The following NECTIN1 variants were observed in gnomAD, a reference collection of about 807,000 sequenced individuals.
The protein encoded by NECTIN1 is nectin-1.
In NECTIN1, 23 loss-of-function variants were observed where a neutral mutation model predicts 48.0. The observed-to-expected ratio is 0.48, with a 90% confidence interval of 0.34 to 0.68. NECTIN1 has a LOEUF of 0.68. Ranked by LOEUF, NECTIN1 falls within the 30% of genes least tolerant of loss-of-function variation. The pLI is 0.01. For missense variants in NECTIN1, 591 were observed against 709.9 expected, an observed-to-expected ratio of 0.83 and a Z score of 1.90; for synonymous variants, 270 against 288.9, an observed-to-expected ratio of 0.93 and a Z score of 0.66.
chr11:119,727,958 TGGGGCG>T lies in NECTIN1; in HGVS notation c.79+511_79+516del, dbSNP rs1352280793. Among the ~76,000 whole-genome samples, 4 of 151,918 alleles carry T rather than the reference TGGGGCG, an allele frequency of 2.6e-5. No homozygotes were observed. The highest frequency in any genetic ancestry group is 5.9e-5 in the Non-Finnish European group (4 of 67,950). On this transcript the variant is annotated intron_variant, in intron 1 of 5. Transcript: ENST00000264025. This position sits in a 1 kb window ranked among gnomAD's most constrained non-coding sequence, Gnocchi z 4.1. ...AGCAGCCGACTCTCCGCGCCCGCTG[TGGGGCG>T]GTGTGGGGCGGGAGGGGGCCCGAGC...
In NECTIN1 at chr11:119,709,484, C is replaced by T. The variant is rs772450434; in HGVS notation, c.79+18991G>A. Among the ~76,000 whole-genome samples the T allele has an allele frequency of 4.6e-5, 7 of 152,214 alleles. No homozygotes were observed. Among genetic ancestry groups the T allele is most frequent in the Admixed American group, 6.5e-5 (1 of 15,296 alleles). ...AGAGTCCTTTCTGTGGGGCCCTGAGCGTCTGTAACCAGGCTGTGAGGAAGC... is the reference window on the plus strand; with the variant it reads ...AGAGTCCTTTCTGTGGGGCCCTGAGTGTCTGTAACCAGGCTGTGAGGAAGC... On this transcript the variant is annotated intron_variant, in intron 1 of 5. Transcript: ENST00000264025. The surrounding 1 kb of genome is among the most constrained non-coding windows in gnomAD (Gnocchi z 4.1).
In NECTIN1 at chr11:119,678,233, C is replaced by T. The variant is rs1864994663; in HGVS notation, c.430+182G>A. 6.6e-6 allele frequency among the ~76,000 whole-genome samples: 1 copy of T among 152,176 alleles called. No homozygotes were observed. Among genetic ancestry groups the T allele is most frequent in the Non-Finnish European group, 1.5e-5 (1 of 68,044 alleles). ...CCACTGTCTAGAGATAAGCCCCTGC[C>T]CCTAATCCCTAGTGAATTGTGGGGT... is the stretch of plus-strand genomic sequence containing the variant. On this transcript the variant is annotated intron_variant, in intron 2 of 5. Transcript: ENST00000264025. This position sits in a 1 kb window ranked among gnomAD's most constrained non-coding sequence, Gnocchi z 4.4.
rs1283648843 is a variant in NECTIN1, at chr11:119,661,870, G to A, written c.*2877C>T. 2 of 985,292 alleles carry A rather than the reference G, an allele frequency of 2.0e-6. No individual in the cohort carries two copies. Among genetic ancestry groups the A allele is most frequent in the Non-Finnish European group, 2.4e-6 (2 of 829,994 alleles). 61.0% of individuals were successfully genotyped at this position (985,292 alleles called of 1,614,324 possible). ...TGCGTGTACACATGCCTGCGCGTGG[G>A]TGTGTTGGAGGTGTGAGTGTGTCCA... On this transcript the variant is annotated 3_prime_UTR_variant, in exon 6 of 6. Transcript: ENST00000264025.
intron 7 of NECTIN1, chr11:119,638,367 C>A: frequency 7.7e-7 from 1 of 1,300,612 alleles, no homozygotes; most frequent in Non-Finnish European, 1.1e-6. Context: ...TTCTGGCATC[C>A]CCCACACTGG....
At chr11:119,679,167 T>C (rs937527865) in intron 1 of NECTIN1, among the ~76,000 whole-genome samples, 2 of 152,246 alleles carry the variant, frequency 1.3e-5, no homozygotes, top group Non-Finnish European at 2.9e-5. Context: ...TGGTTGCTTT[T>C]CGAGCAGAGC....
chr11:119,649,286 C>T (rs560281203), intron 5 of NECTIN1, among the ~76,000 whole-genome samples: 126 of 151,392 alleles, frequency 8.3e-4, no homozygotes, highest in African/African-American at 2.6e-3. Flanking sequence ...GATGCTGAGG[C>T]GGGAAAATCA....
chr11:119,672,578 A>C lies in NECTIN1; in HGVS notation c.1003+2581T>G, dbSNP rs544639575. On this transcript the variant is annotated intron_variant, in intron 5 of 5. Transcript: ENST00000264025. The surrounding 1 kb of genome is among the most constrained non-coding windows in gnomAD (Gnocchi z 4.3). Reference sequence around the variant, plus strand: ...CCACTAGGGACTCACTCATGGTGGCAGCTCCTAACGGGTGTGCCGGTGCCA... The same window carrying C: ...CCACTAGGGACTCACTCATGGTGGCCGCTCCTAACGGGTGTGCCGGTGCCA... 6.6e-6 allele frequency among the ~76,000 whole-genome samples: 1 copy of C among 152,282 alleles called. No individual in the cohort carries two copies. Among genetic ancestry groups the C allele is most frequent in the African/African-American group, 2.4e-5 (1 of 41,544 alleles).
Position 119,663,852 on chromosome 11 carries a change from G to A in NECTIN1, c.*895C>T, listed in dbSNP as rs924072902. On this transcript the variant is annotated 3_prime_UTR_variant, in exon 6 of 6. Coordinates refer to ENST00000264025, the MANE Select transcript of NECTIN1 (RefSeq NM_002855.5). The stretch of plus-strand genomic sequence containing the variant: ...AGACCCCATTCTCAGCTTAAAGGGG[G>A]AATGAGGTGGAAATAGACGGGTGGG... 4.1e-6 allele frequency: 4 copies of A among 985,542 alleles called. No individual in the cohort carries two copies. The highest frequency in any genetic ancestry group is 4.8e-6 in the Non-Finnish European group (4 of 830,094). The allele number at this position is 985,542 out of a possible 1,614,324, so 61.0% of individuals were successfully genotyped here. A position where few individuals can be genotyped will look rare whatever the true frequency, so the allele number is the denominator to read the frequency against.
At chr11:119,713,256 G>A (rs1238547988) in intron 1 of NECTIN1, among the ~76,000 whole-genome samples, 1 of 152,162 alleles carries the variant, frequency 6.6e-6, no homozygotes, top group Non-Finnish European at 1.5e-5. Flanking sequence ...AGGGACAGAG[G>A]GTGAATCTTG....
chr11:119,655,527 T>G (rs1864558459), intron 5 of NECTIN1, among the ~76,000 whole-genome samples: 2 of 152,200 alleles, frequency 1.3e-5, no homozygotes, highest in Admixed American at 1.3e-4. Context: ...AGTCAAGACT[T>G]GAAACCAGGT....
At chr11:119,685,136 T>G (rs1383513687) in intron 1 of NECTIN1, among the ~76,000 whole-genome samples, 1 of 152,244 alleles carries the variant, frequency 6.6e-6, no homozygotes, top group East Asian at 1.9e-4. Context: ...CCCTGCTGCC[T>G]GCAGTGCAGA....
intron 7 of NECTIN1, chr11:119,638,727 C>A: frequency 6.2e-7 from 1 of 1,613,320 alleles, no homozygotes; most frequent in Non-Finnish European, 8.5e-7. Flanking sequence ...TGCCTCAGGC[C>A]CACCTGGATA....
intron 1 of NECTIN1, among the ~76,000 whole-genome samples, chr11:119,682,970 T>C (rs549742511): frequency 6.6e-6 from 1 of 152,338 alleles, no homozygotes; most frequent in South Asian, 2.1e-4. Context: ...CTGTACCCCT[T>C]TATTTTCTAC....
At chr11:119,668,090 A>G (rs1313931402) in intron 5 of NECTIN1, among the ~76,000 whole-genome samples, 1 of 152,174 alleles carries the variant, frequency 6.6e-6, no homozygotes, top group Non-Finnish European at 1.5e-5. Context: ...CACATAACTG[A>G]TATCTAGGTG....
At chr11:119,641,411 TG>T (rs1864321647) in intron 5 of NECTIN1, 1 of 152,240 alleles carries the variant, frequency 6.6e-6, no homozygotes, top group South Asian at 2.1e-4. Flanking sequence ...CAACAGTTTG[TG>T]GCCTTTATCA....
At chr11:119,716,298 C>T (rs1363113976) in intron 1 of NECTIN1, among the ~76,000 whole-genome samples, 1 of 152,138 alleles carries the variant, frequency 6.6e-6, no homozygotes, top group Non-Finnish European at 1.5e-5. Flanking sequence ...CCTGGCTTCC[C>T]CAGCCCCAGG....
At position 119,665,871 on chromosome 11, in the gene NECTIN1, G is replaced by C. The variant is rs1313468903; in HGVS notation, c.1004-574C>G. ...CCAACACTATCAACTTGGCTTCCAA[G>C]ACCCAGAACCAGGAGCCACCTAGGT... On this transcript the variant is annotated intron_variant, in intron 5 of 5. Transcript: ENST00000264025. This position sits in a 1 kb window ranked among gnomAD's most constrained non-coding sequence, Gnocchi z 5.1. 1.3e-5 allele frequency among the ~76,000 whole-genome samples: 2 copies of C among 152,182 alleles called. No homozygotes were observed. The highest frequency in any genetic ancestry group is 2.9e-5 in the Non-Finnish European group (2 of 68,034).
At chr11:119,686,393 A>C (rs1865154801) in intron 1 of NECTIN1, among the ~76,000 whole-genome samples, 1 of 152,060 alleles carries the variant, frequency 6.6e-6, no homozygotes, top group Non-Finnish European at 1.5e-5. Flanking sequence ...GTCCAGGCCA[A>C]CATCATCCCT....
chr11:119,681,484 C>A (rs956458077), intron 1 of NECTIN1, among the ~76,000 whole-genome samples: 1 of 152,170 alleles, frequency 6.6e-6, no homozygotes, highest in Non-Finnish European at 1.5e-5. Context: ...AGGCAGGGCA[C>A]AGTCCCTGGG....
Sources: allele counts gnomAD v4.1 joint callset (sites outside exome capture counted in the v4.1 genomes callset), GRCh38; gene constraint gnomAD v4.1.1; non-coding constraint Gnocchi (gnomAD v3.1); transcripts MANE v1.5; gene names NCBI Gene and HGNC (gene_info 2026-07-23, HGNC 2026-07-21).